The following UNC13A variants were observed in gnomAD, a reference collection of about 807,000 sequenced individuals.
The protein encoded by UNC13A is protein unc-13 homolog A.
A neutral mutation model predicts 219.7 loss-of-function variants in UNC13A; 61 were observed. The observed-to-expected ratio is 0.28, with a 90% CI of 0.23 to 0.34. UNC13A has a LOEUF of 0.34. Ranked by LOEUF, UNC13A falls within the 10% of genes least tolerant of loss-of-function variation. UNC13A has a pLI of 1.00. For synonymous variants in UNC13A, 920 were observed against 884.6 expected, an observed-to-expected ratio of 1.04 and a Z score of -0.71; for missense variants, 1,476 against 2,270.3, an observed-to-expected ratio of 0.65 and a Z score of 7.11.
chr19:17,635,959 A>G, intron 26 of UNC13A, 65 bp downstream of exon 26: 6 of 1,528,976 alleles, frequency 3.9e-6, no homozygotes, highest in Non-Finnish European at 4.5e-6. Context: ...GACACACAAG[A>G]CACAAAGTTG....
At chr19:17,615,568 A>C (rs1386047992) in intron 41 of UNC13A, among the ~76,000 whole-genome samples, 2 of 151,888 alleles carry the variant, frequency 1.3e-5, no homozygotes, top group African/African-American at 4.8e-5. Context: ...AATCCCAGCT[A>C]CTCAGGAGGC....
At chr19:17,606,497 C>A in intron 43 of UNC13A, 143 bp from the exon 44 acceptor site, 1 of 1,238,966 alleles carries the variant, frequency 8.1e-7, no homozygotes, top group African/African-American at 1.6e-5. Flanking sequence ...AGCCCCGCCC[C>A]TGCCCCGTTA....
In UNC13A at chr19:17,621,989, C is replaced by T; in HGVS notation, c.4204-119G>A. The T allele has an allele frequency of 3.9e-6, 4 of 1,033,566 alleles. No homozygotes were observed. The South Asian group carries it at 3.9e-5, about 10-fold the overall frequency. 64.0% of individuals were successfully genotyped at this position (1,033,566 alleles called of 1,614,324 possible). A position where few individuals can be genotyped will look rare whatever the true frequency, so the allele number is the denominator to read the frequency against. ...TCCACACTGCACAGGGTACTGGTGA[C>T]TGGGTTGCATGGGGATAGTGTGTTT... On this transcript the variant is annotated intron_variant, in intron 36 of 43. Transcript: ENST00000519716.
At chr19:17,623,226 G>A in intron 36 of UNC13A, 1 of 378,692 alleles carries the variant, frequency 2.6e-6, no homozygotes, top group Non-Finnish European at 4.7e-6. Context: ...TCTGGGCACG[G>A]GAGCAAGGTT....
At chr19:17,675,647 G>A (rs113464048) in intron 2 of UNC13A, among the ~76,000 whole-genome samples, 8,494 of 143,286 alleles carry the variant, frequency 0.059, 600 homozygotes, top group African/African-American at 0.17. Context: ...AAAAAAAAAA[G>A]AAGAAGAAGA....
intron 8 of UNC13A, among the ~76,000 whole-genome samples, chr19:17,662,794 C>A (rs952627379): frequency 2.0e-5 from 3 of 152,146 alleles, no homozygotes; most frequent in Admixed American, 6.6e-5. Flanking sequence ...TTGGCGGACG[C>A]CTTTAGTCCC....
intron 2 of UNC13A, among the ~76,000 whole-genome samples, chr19:17,675,596 A>T (rs1380391155): frequency 6.7e-6 from 1 of 148,844 alleles, no homozygotes; most frequent in East Asian, 2.0e-4. Context: ...ACGCCACTGC[A>T]CTCCAGCCTG....
chr19:17,615,016 G>A (rs2076647643), intron 41 of UNC13A, among the ~76,000 whole-genome samples: 1 of 152,134 alleles, frequency 6.6e-6, no homozygotes, highest in African/African-American at 2.4e-5. Context: ...TCGCGGGGAA[G>A]GGTCTTTCCT....
intron 31 of UNC13A, 132 bp downstream of exon 31, chr19:17,629,108 C>T (rs61645100): frequency 0.04 from 29,721 of 737,090 alleles, 3,992 homozygotes; most frequent in African/African-American, 0.36. Context: ...TCTAAACACA[C>T]AGACAATCCA....
chr19:17,630,250 G>A lies in UNC13A; in HGVS notation c.3564C>T (p.Ser1188=), dbSNP rs1186388343. 5 of 1,560,108 alleles carry A rather than the reference G, an allele frequency of 3.2e-6. No homozygotes were observed. Among genetic ancestry groups the A allele is most frequent in the Non-Finnish European group, 4.3e-6 (5 of 1,151,816 alleles). ...TGAGTTGGGAGAAAACATCCACCAC[G>A]GAGCAGGAGAATAGGGCATGCTCTG... ...QTSEHALFSC[S]VVDVFSQLNQ... Residue 1188 remains serine (S), a synonymous_variant, in exon 30 of 44, where the codon TCC becomes TCT. Coordinates refer to ENST00000519716, the MANE Select transcript of UNC13A (RefSeq NM_001080421.3).
chr19:17,650,629 C>G (rs769870176), intron 12 of UNC13A, among the ~76,000 whole-genome samples: 5 of 151,996 alleles, frequency 3.3e-5, no homozygotes, highest in Non-Finnish European at 7.4e-5. Flanking sequence ...AGGTGCCCAC[C>G]ACAACGCCTG....
At chr19:17,616,375 C>T (rs568882548) in intron 41 of UNC13A, 4 of 675,762 alleles carry the variant, frequency 5.9e-6, no homozygotes, top group Non-Finnish European at 1.1e-5. Flanking sequence ...GGGCACCAGG[C>T]GCGGGCGGCG....
intron 16 of UNC13A, 32 bp downstream of exon 16, chr19:17,648,399 C>T (rs1416636211): frequency 4.0e-6 from 6 of 1,495,152 alleles, no homozygotes; most frequent in Non-Finnish European, 5.4e-6. Context: ...CCCACGCCAA[C>T]CCGTGGCCCT....
At chr19:17,648,383 G>T (rs1307079013) in intron 16 of UNC13A, 48 bp downstream of exon 16, 1 of 1,445,966 alleles carries the variant, frequency 6.9e-7, no homozygotes, top group Non-Finnish European at 9.1e-7. Context: ...GCAAGCCCCG[G>T]GGCTCCCCAC....
chr19:17,668,326 G>T, intron 5 of UNC13A, 136 bp from the exon 6 acceptor site: 1 of 763,326 alleles, frequency 1.3e-6, no homozygotes, highest in Non-Finnish European at 2.2e-6. Flanking sequence ...GGGTGGGTTG[G>T]TCTGCGGTCT....
At chr19:17,620,934 A>G (rs1192342816) in intron 37 of UNC13A, among the ~76,000 whole-genome samples, 7 of 149,928 alleles carry the variant, frequency 4.7e-5, no homozygotes, top group Admixed American at 4.6e-4. Context: ...CTGCCAGCAC[A>G]CTCTCGGGGT....
intron 11 of UNC13A, among the ~76,000 whole-genome samples, chr19:17,654,640 C>T (rs1381011179): frequency 6.6e-6 from 1 of 152,142 alleles, no homozygotes; most frequent in Non-Finnish European, 1.5e-5. Flanking sequence ...AGTCAGCTTG[C>T]CCCTGATGCT....
chr19:17,660,535 G>GT (rs11383230), intron 8 of UNC13A, among the ~76,000 whole-genome samples: 107,622 of 139,606 alleles, frequency 0.77, 41,962 homozygotes, highest in Middle Eastern at 0.86. Context: ...TGGTTTTTGG[G>GT]TTTTTTTTTT....
Position 17,658,102 on chromosome 19 carries a change from TG to T in UNC13A, c.726del (p.Met243CysfsTer27). 6.2e-7 allele frequency: 1 copy of T among 1,613,822 alleles called. No individual in the cohort carries two copies. Among genetic ancestry groups the T allele is most frequent in the South Asian group, 1.1e-5 (1 of 91,064 alleles). ...PLGSRESYSD[S>X]MHSYEEFSEP... The stretch of plus-strand genomic sequence containing the variant: ...TCAGAGAACTCCTCGTAACTGTGCA[TG>T]GAGTCACTGTAGGACTCCCGGGAGC... On this transcript the variant is annotated frameshift_variant, in exon 9 of 44. Coordinates refer to ENST00000519716, the MANE Select transcript of UNC13A (RefSeq NM_001080421.3). LOFTEE classifies it high-confidence loss of function.
Sources: allele counts gnomAD v4.1 joint callset (sites outside exome capture counted in the v4.1 genomes callset), GRCh38; gene constraint gnomAD v4.1.1; transcripts MANE v1.5; gene names NCBI Gene and HGNC (gene_info 2026-07-23, HGNC 2026-07-21).